The following IKZF2 variants were observed in gnomAD, a reference collection of about 807,000 sequenced individuals.
IKZF2 encodes the protein IKAROS family zinc finger 2.
In IKZF2, 15 loss-of-function variants were observed where a neutral mutation model predicts 49.2. That is an observed-to-expected ratio of 0.30 (90% CI 0.20 to 0.47). The LOEUF is 0.47. IKZF2 is among the 20% of genes least tolerant of loss of function. The probability of loss-of-function intolerance (pLI) is 1.00; values close to 1 mark genes in which losing one functional copy is unlikely to be tolerated. For missense variants in IKZF2, 567 were observed against 664.6 expected, an observed-to-expected ratio of 0.85 and a Z score of 1.61; for synonymous variants, 227 against 221.4, an observed-to-expected ratio of 1.03 and a Z score of -0.23.
At chr2:213,133,606 C>G (rs1310584862) in intron 4 of IKZF2, among the ~76,000 whole-genome samples, 1 of 151,658 alleles carries the variant, frequency 6.6e-6, no homozygotes, top group Non-Finnish European at 1.5e-5. Flanking sequence ...TGGCAGGTAC[C>G]TGTAATCTCA....
chr2:213,128,995 G>C (rs888386441), intron 4 of IKZF2, among the ~76,000 whole-genome samples: 5 of 151,600 alleles, frequency 3.3e-5, no homozygotes, highest in East Asian at 1.9e-4. Context: ...CTCTCCCCAT[G>C]TGACTTTCGC....
rs752782735 is a variant in IKZF2, at chr2:213,148,589, T to C, written c.34+7A>G. On this transcript the variant is annotated splice_region_variant and intron_variant, in intron 3 of 8. Coordinates refer to ENST00000434687, the MANE Select transcript of IKZF2 (RefSeq NM_001387220.1). ...CCAATAACAAATCAATGAAAACTAA[T>C]ACTTACACGTTATATAGCCATCAAT... 2.5e-6 allele frequency: 4 copies of C among 1,604,528 alleles called. No homozygotes were observed. The highest frequency in any genetic ancestry group is 3.4e-6 in the Non-Finnish European group (4 of 1,172,632).
In IKZF2 at chr2:213,111,664, C is replaced by T. The variant is rs985041809; in HGVS notation, c.139+36044G>A. Among the ~76,000 whole-genome samples, 35 of 151,980 alleles carry T rather than the reference C, an allele frequency of 2.3e-4. 1 individual carries two copies. Among genetic ancestry groups the T allele is most frequent in the Non-Finnish European group, 4.9e-4 (33 of 67,922 alleles). The stretch of plus-strand genomic sequence containing the variant: ...CTAGTTTCTGAAATTACTGAGCATG[C>T]GTATGTGTTTTCCTATGAATCATAA... On this transcript the variant is annotated intron_variant, in intron 4 of 8. Transcript: ENST00000434687.
chr2:213,129,492 G>C (rs1295090485), intron 4 of IKZF2, among the ~76,000 whole-genome samples: 1 of 151,572 alleles, frequency 6.6e-6, no homozygotes, highest in South Asian at 2.1e-4. Flanking sequence ...AAAAGAAAAA[G>C]GGAAGAGGTA....
At chr2:213,053,944 T>A (rs1700910929) in intron 5 of IKZF2, among the ~76,000 whole-genome samples, 1 of 152,162 alleles carries the variant, frequency 6.6e-6, no homozygotes, top group Admixed American at 6.6e-5. Flanking sequence ...GTTGTGCATC[T>A]TTTTTCACTA....
chr2:213,074,818 AT>A (rs1279807269), intron 4 of IKZF2, among the ~76,000 whole-genome samples: 1 of 152,212 alleles, frequency 6.6e-6, no homozygotes. Flanking sequence ...TTCTATAAAA[AT>A]TTGATTCATC....
intron 4 of IKZF2, among the ~76,000 whole-genome samples, chr2:213,098,522 T>C (rs1198544944): frequency 6.6e-6 from 1 of 151,172 alleles, no homozygotes; most frequent in East Asian, 1.9e-4. Flanking sequence ...ATTTCAAAAG[T>C]AACATTTTCT....
chr2:213,126,832 TA>T (rs564446077), intron 4 of IKZF2, among the ~76,000 whole-genome samples: 233 of 152,264 alleles, frequency 1.5e-3, no homozygotes, highest in African/African-American at 5.4e-3. Context: ...TACACATTTA[TA>T]ACAGTGAATA....
intron 4 of IKZF2, among the ~76,000 whole-genome samples, chr2:213,101,029 GAGAA>G (rs1445800762): frequency 9.2e-5 from 14 of 151,854 alleles, no homozygotes; most frequent in Non-Finnish European, 1.3e-4. Flanking sequence ...GAAAGAGAGA[GAGAA>G]AGAAAGAGAG....
chr2:213,116,359 A>C (rs972736132), intron 4 of IKZF2, among the ~76,000 whole-genome samples: 2 of 152,258 alleles, frequency 1.3e-5, no homozygotes, highest in African/African-American at 4.8e-5. Flanking sequence ...AAATAATCTA[A>C]ACAGATATAC....
At chr2:213,138,485 T>C (rs1457170913) in intron 4 of IKZF2, among the ~76,000 whole-genome samples, 2 of 151,972 alleles carry the variant, frequency 1.3e-5, no homozygotes, top group South Asian at 2.1e-4. Context: ...AGTTTCCAAA[T>C]TTTTTCAAGT....
intron 4 of IKZF2, among the ~76,000 whole-genome samples, chr2:213,123,949 A>AG (rs1475124930): frequency 6.6e-6 from 1 of 151,404 alleles, no homozygotes; most frequent in Non-Finnish European, 1.5e-5. Context: ...GTGAAAAAAA[A>AG]AAGCAGTGAC....
chr2:213,083,551 CTTTTTT>C (rs35297007), intron 4 of IKZF2, among the ~76,000 whole-genome samples: 1 of 93,954 alleles, frequency 1.1e-5, no homozygotes, highest in African/African-American at 4.0e-5. Flanking sequence ...ACCAGGCTAA[CTTTTTT>C]TTTTTTTTTT....
At chr2:213,099,824 G>A (rs538648621) in intron 4 of IKZF2, among the ~76,000 whole-genome samples, 21 of 152,098 alleles carry the variant, frequency 1.4e-4, no homozygotes, top group African/African-American at 3.9e-4. Flanking sequence ...AACCTATCCC[G>A]TTGTGCTTTT....
chr2:213,115,720 C>A (rs995722838), intron 4 of IKZF2, among the ~76,000 whole-genome samples: 1 of 152,200 alleles, frequency 6.6e-6, no homozygotes. Context: ...TATCTTGGAA[C>A]AGTCATAATT....
At chr2:213,098,924 G>A (rs1266176380) in intron 4 of IKZF2, among the ~76,000 whole-genome samples, 1 of 152,180 alleles carries the variant, frequency 6.6e-6, no homozygotes, top group Non-Finnish European at 1.5e-5. Flanking sequence ...AAGGGCAGCA[G>A]AGAATCAGGG....
chr2:213,040,955 T>C (rs947327679), intron 6 of IKZF2, among the ~76,000 whole-genome samples: 11 of 152,020 alleles, frequency 7.2e-5, no homozygotes, highest in African/African-American at 2.7e-4. Flanking sequence ...CCGTCTCTAC[T>C]AAAAATACAA....
At chr2:213,021,386 A>G (rs1697203023) in intron 7 of IKZF2, 1 of 164,894 alleles carries the variant, frequency 6.1e-6, no homozygotes, top group Admixed American at 6.3e-5. Flanking sequence ...TTATTTTCCT[A>G]TATAAGGCTG....
intron 4 of IKZF2, among the ~76,000 whole-genome samples, chr2:213,073,208 C>T (rs779502946): frequency 2.1e-4 from 32 of 152,142 alleles, no homozygotes; most frequent in African/African-American, 5.5e-4. Flanking sequence ...AAAGTTAATA[C>T]GAGGAGCTAA....
Sources: allele counts gnomAD v4.1 joint callset (sites outside exome capture counted in the v4.1 genomes callset), GRCh38; gene constraint gnomAD v4.1.1; transcripts MANE v1.5; gene names NCBI Gene and HGNC (gene_info 2026-07-23, HGNC 2026-07-21).